Variants in CCDC171 observed in about 807,000 individuals in gnomAD.
CCDC171 encodes coiled-coil domain containing 171.
In CCDC171, 177 loss-of-function variants were observed where a neutral mutation model predicts 168.2. The observed-to-expected ratio is 1.05, with a 90% CI of 0.93 to 1.19. The LOEUF (loss-of-function observed/expected upper bound fraction) is 1.19. Among genes scored for constraint, CCDC171 ranks in the 50% most tolerant of loss-of-function variants. CCDC171 has a pLI of 0.00. For missense variants in CCDC171, 1,991 were observed against 1,539.0 expected, an observed-to-expected ratio of 1.29 and a Z score of -4.91; for synonymous variants, 687 against 540.8, an observed-to-expected ratio of 1.27 and a Z score of -3.75.
chr9:15,762,477 C>G (rs1191349927), intron 18 of CCDC171, among the ~76,000 whole-genome samples: 2 of 152,088 alleles, frequency 1.3e-5, no homozygotes, highest in Admixed American at 1.3e-4. Context: ...TCTGAGGATT[C>G]AGTTGCCAAT....
chr9:15,898,238 C>T (rs923627366), intron 24 of CCDC171, among the ~76,000 whole-genome samples: 3 of 152,182 alleles, frequency 2.0e-5, no homozygotes, highest in Non-Finnish European at 2.9e-5. Context: ...TACTTCCATA[C>T]ATTCTAACTT....
intron 25 of CCDC171, among the ~76,000 whole-genome samples, chr9:15,961,894 A>G (rs909410910): frequency 2.0e-5 from 3 of 152,284 alleles, no homozygotes; most frequent in Admixed American, 6.5e-5. Flanking sequence ...CACCATATGT[A>G]ATTTTGTGTA....
chr9:15,966,229 A>C (rs1343652507), intron 25 of CCDC171, among the ~76,000 whole-genome samples: 1 of 152,246 alleles, frequency 6.6e-6, no homozygotes, highest in Non-Finnish European at 1.5e-5. Flanking sequence ...GAGGATCCAG[A>C]AAAGCCTTAT....
chr9:15,766,615 C>A (rs999881325), intron 18 of CCDC171, among the ~76,000 whole-genome samples: 2 of 151,814 alleles, frequency 1.3e-5, no homozygotes, highest in African/African-American at 4.8e-5. Flanking sequence ...GCCAACTCTT[C>A]CTGGCATTTA....
At chr9:15,839,938 C>A (rs376632290) in intron 21 of CCDC171, among the ~76,000 whole-genome samples, 1 of 151,252 alleles carries the variant, frequency 6.6e-6, no homozygotes, top group Non-Finnish European at 1.5e-5. Context: ...TCTAAAATAA[C>A]CTAAATTTAT....
At chr9:15,868,870 G>T (rs1416140076) in intron 23 of CCDC171, among the ~76,000 whole-genome samples, 1 of 151,780 alleles carries the variant, frequency 6.6e-6, no homozygotes, top group African/African-American at 2.4e-5. Flanking sequence ...GTTTCCTTGG[G>T]GATTGGTTCC....
chr9:16,060,089 A>G (rs971542363), intron 1 of CCDC171, among the ~76,000 whole-genome samples: 1 of 152,174 alleles, frequency 6.6e-6, no homozygotes, highest in African/African-American at 2.4e-5. Context: ...ATGTAAATGT[A>G]TATGTATGTA....
chr9:15,702,831 C>G (rs1032235914), intron 11 of CCDC171, among the ~76,000 whole-genome samples: 3 of 151,920 alleles, frequency 2.0e-5, no homozygotes, highest in Non-Finnish European at 2.9e-5. Flanking sequence ...TCTCTCCTAG[C>G]TTTCACCTTT....
intron 24 of CCDC171, among the ~76,000 whole-genome samples, chr9:15,884,856 C>A (rs530668448): frequency 3.2e-4 from 48 of 152,200 alleles, no homozygotes; most frequent in African/African-American, 1.1e-3. Flanking sequence ...TATAAAAGGC[C>A]TAAGGTCAGG....
In CCDC171 at chr9:15,729,603, C is replaced by T. The variant is rs755402776; in HGVS notation, c.1861-7C>T. ...TATTTCCTTCTCTGTTGCATCTCCC[C>T]GTATAGATAAGGCATCTAGAGTATA... On this transcript the variant is annotated splice_polypyrimidine_tract_variant and splice_region_variant and intron_variant, in intron 15 of 25. Coordinates refer to ENST00000380701, the MANE Select transcript of CCDC171 (RefSeq NM_173550.4). The T allele has an allele frequency of 6.6e-5, 105 of 1,589,306 alleles. No homozygotes were observed. Among genetic ancestry groups the T allele is most frequent in the South Asian group, 1.8e-4 (16 of 87,326 alleles).
chr9:15,934,215 C>G (rs567539774), intron 25 of CCDC171, among the ~76,000 whole-genome samples: 2 of 151,108 alleles, frequency 1.3e-5, no homozygotes, highest in Non-Finnish European at 3.0e-5. Context: ...ATAGTGAGAC[C>G]TCATCTCTAC....
intron 8 of CCDC171, among the ~76,000 whole-genome samples, chr9:15,663,306 C>T (rs374042350): frequency 2.9e-4 from 44 of 152,110 alleles, no homozygotes; most frequent in African/African-American, 1.0e-3. Context: ...CTATCCCCAC[C>T]CCGTCTTTAA....
chr9:16,067,798 T>C, the CCDC171 span, among the ~76,000 whole-genome samples: 6 of 152,152 alleles, frequency 3.9e-5, no homozygotes, highest in African/African-American at 9.7e-5. Flanking sequence ...TTTCTGAGGG[T>C]TCTGTTCTGT....
intron 21 of CCDC171, among the ~76,000 whole-genome samples, chr9:15,806,512 T>C (rs139734858): frequency 5.9e-5 from 9 of 152,354 alleles, no homozygotes; most frequent in African/African-American, 2.2e-4. Context: ...TGGCTGGATA[T>C]GAAATCCTTG....
intron 1 of CCDC171, among the ~76,000 whole-genome samples, chr9:16,059,102 A>G (rs1327375298): frequency 2.0e-5 from 3 of 152,172 alleles, no homozygotes; most frequent in Admixed American, 2.0e-4. Context: ...TCCAGAACCA[A>G]GCACCCGAGA....
chr9:15,771,266 A>G (rs888084843), intron 18 of CCDC171, among the ~76,000 whole-genome samples: 2 of 152,196 alleles, frequency 1.3e-5, no homozygotes, highest in African/African-American at 4.8e-5. Context: ...TTTTACATTT[A>G]GAAAGTACTA....
At chr9:15,751,879 C>T (rs886740433) in intron 18 of CCDC171, among the ~76,000 whole-genome samples, 2 of 152,182 alleles carry the variant, frequency 1.3e-5, no homozygotes, top group East Asian at 3.8e-4. Flanking sequence ...ACACCAAAAG[C>T]AATGGCAACA....
chr9:15,893,776 AAC>A (rs1820521908), intron 24 of CCDC171, among the ~76,000 whole-genome samples: 1 of 152,138 alleles, frequency 6.6e-6, no homozygotes, highest in African/African-American at 2.4e-5. Flanking sequence ...AAAGTCAAAA[AAC>A]ACAGATGCTG....
intron 25 of CCDC171, among the ~76,000 whole-genome samples, chr9:15,967,742 C>T (rs999442953): frequency 6.6e-6 from 1 of 152,166 alleles, no homozygotes; most frequent in Non-Finnish European, 1.5e-5. Flanking sequence ...TTCTTTTAAT[C>T]ACACTATGTG....
Sources: gnomAD v4.1 joint callset for allele counts (sites outside exome capture counted in the v4.1 genomes callset) on GRCh38, gnomAD v4.1.1 for gene constraint, MANE v1.5 for transcripts, NCBI Gene and HGNC (gene_info 2026-07-23, HGNC 2026-07-21) for gene names.